The following USP34 variants were observed in gnomAD, a reference collection of about 807,000 sequenced individuals.
The protein encoded by USP34 is ubiquitin carboxyl-terminal hydrolase 34.
USP34 carries 70 observed loss-of-function variants against 460.3 expected under a neutral mutation model. That is an observed-to-expected ratio of 0.15 (90% CI 0.13 to 0.19). USP34 has a LOEUF of 0.19. USP34 is among the 10% of genes least tolerant of loss of function. The pLI is 1.00. For synonymous variants in USP34, 1,647 were observed against 1,405.3 expected (o/e 1.17, Z -3.85); for missense variants, 3,985 against 4,236.2 (o/e 0.94, Z 1.65).
chr2:61,245,958 G>A (rs1235150050), intron 50 of USP34, among the ~76,000 whole-genome samples: 1 of 152,170 alleles, frequency 6.6e-6, no homozygotes, highest in Non-Finnish European at 1.5e-5. Context: ...CCAATAGGAG[G>A]TGAAACAAGC....
chr2:61,191,717 T>C (rs1352467885), intron 76 of USP34, among the ~76,000 whole-genome samples: 1 of 151,970 alleles, frequency 6.6e-6, no homozygotes, highest in Non-Finnish European at 1.5e-5. Context: ...GATGCAGAAG[T>C]AGAGAAAGCA....
At chr2:61,452,368 A>C (rs1695308738) in intron 1 of USP34, among the ~76,000 whole-genome samples, 1 of 116,108 alleles carries the variant, frequency 8.6e-6, no homozygotes, top group African/African-American at 3.4e-5. Flanking sequence ...TCTGTCACCC[A>C]GGCTAGAGTG....
chr2:61,320,165 CTA>C (rs1690872113), intron 21 of USP34, among the ~76,000 whole-genome samples: 1 of 152,188 alleles, frequency 6.6e-6, no homozygotes, highest in Non-Finnish European at 1.5e-5. Flanking sequence ...TTACAAATTT[CTA>C]TGTTACAATT....
intron 39 of USP34, among the ~76,000 whole-genome samples, chr2:61,278,716 T>A (rs980865522): frequency 6.6e-6 from 1 of 152,030 alleles, no homozygotes; most frequent in Non-Finnish European, 1.5e-5. Flanking sequence ...CACACCAACA[T>A]GGCACATGTA....
chr2:61,360,315 A>T (rs1050622516), intron 10 of USP34, among the ~76,000 whole-genome samples: 4 of 152,272 alleles, frequency 2.6e-5, no homozygotes, highest in African/African-American at 9.6e-5. Flanking sequence ...ACAACAACAG[A>T]AAACTGTTAG....
At chr2:61,222,428 T>C (rs957912497) in intron 65 of USP34, among the ~76,000 whole-genome samples, 191 bp downstream of exon 65, 2 of 152,144 alleles carry the variant, frequency 1.3e-5, no homozygotes, top group African/African-American at 4.8e-5. Context: ...TTACATTTAG[T>C]TGGGAAAATT....
intron 1 of USP34, among the ~76,000 whole-genome samples, chr2:61,453,096 C>T (rs1047088688): frequency 3.3e-5 from 5 of 152,022 alleles, no homozygotes; most frequent in Non-Finnish European, 7.4e-5. Flanking sequence ...TAGAAGGTAA[C>T]TGAAAATCAG....
intron 7 of USP34, 25 bp from the exon 8 acceptor site, chr2:61,378,449 G>A: frequency 6.5e-7 from 1 of 1,547,478 alleles, no homozygotes; most frequent in Non-Finnish European, 8.7e-7. Context: ...AAGAAATTAA[G>A]GGTTTTTATT....
intron 28 of USP34, 63 bp downstream of exon 28, chr2:61,301,291 C>G: frequency 1.9e-6 from 3 of 1,548,818 alleles, no homozygotes; most frequent in Non-Finnish European, 2.6e-6. Flanking sequence ...ACTACATCTG[C>G]GACTATTCAA....
At chr2:61,385,997 CAAAAAAAAAAAA>C (rs58518474) in intron 5 of USP34, among the ~76,000 whole-genome samples, 1 of 99,450 alleles carries the variant, frequency 1.0e-5, no homozygotes, top group Non-Finnish European at 2.1e-5. Context: ...ACTCTGTCTC[CAAAAAAAAAAAA>C]AAAAAGAAAT....
At chr2:61,228,535 C>A in intron 61 of USP34, 110 bp downstream of exon 61, 1 of 853,016 alleles carries the variant, frequency 1.2e-6, no homozygotes, top group Non-Finnish European at 1.8e-6. Context: ...TTATCTAACA[C>A]CAGGTTCCAG....
In USP34 at chr2:61,273,398, A is replaced by G. The variant is rs541528873; in HGVS notation, c.5433+4767T>C. ...TATGTGGAAAAATAAACAGCCAGGA[A>G]AATACTGAAAAGAAATAATAATGAA... On this transcript the variant is annotated intron_variant, in intron 41 of 79. Coordinates refer to ENST00000398571, the MANE Select transcript of USP34 (RefSeq NM_014709.4). Among the ~76,000 whole-genome samples, 4 of 152,316 alleles carry G rather than the reference A, an allele frequency of 2.6e-5. No homozygotes were observed. In the East Asian group the frequency reaches 5.8e-4, roughly 22 times the overall value.
Position 61,311,652 on chromosome 2 carries a change from T to G in USP34, c.3705A>C (p.Ala1235=), listed in dbSNP as rs1690597736. ...TIEMYPSDQV[A]DLRAEVTHWY... Reference sequence around the variant, plus strand: ...AATGAGTTACTTCAGCCCTAAGATCTGCTACCTGGTCACTAGGATACATTT... The same window carrying G: ...AATGAGTTACTTCAGCCCTAAGATCGGCTACCTGGTCACTAGGATACATTT... The change falls in exon 27 of 80, where the codon GCA becomes GCC. Residue 1235 remains alanine, a synonymous_variant. Transcript: ENST00000398571. The G allele has an allele frequency of 6.2e-7, 1 of 1,613,252 alleles. No individual in the cohort carries two copies. Among genetic ancestry groups the G allele is most frequent in the South Asian group, 1.1e-5 (1 of 90,806 alleles).
chr2:61,463,264 G>T (rs1695660575), intron 1 of USP34, among the ~76,000 whole-genome samples: 1 of 151,734 alleles, frequency 6.6e-6, no homozygotes, highest in Non-Finnish European at 1.5e-5. Flanking sequence ...GGAGCTTGAG[G>T]CTGCAGTGAG....
intron 21 of USP34, among the ~76,000 whole-genome samples, chr2:61,322,995 C>T (rs920895872): frequency 2.0e-5 from 3 of 152,138 alleles, no homozygotes. Flanking sequence ...TAGTTATTGT[C>T]ATATTGAAAA....
At chr2:61,253,682 CT>C (rs1485264426) in intron 48 of USP34, among the ~76,000 whole-genome samples, 2 of 151,178 alleles carry the variant, frequency 1.3e-5, no homozygotes, top group Non-Finnish European at 2.9e-5. Context: ...TAGAAAAATC[CT>C]TTGTTTGAGC....
At chr2:61,195,777 C>G (rs71420391) in intron 75 of USP34, among the ~76,000 whole-genome samples, 3 of 152,292 alleles carry the variant, frequency 2.0e-5, no homozygotes, top group African/African-American at 7.2e-5. Flanking sequence ...CAAAAAGAGT[C>G]TGCTAACCCA....
At chr2:61,236,843 A>G (rs1354229130) in intron 53 of USP34, among the ~76,000 whole-genome samples, 3 of 152,202 alleles carry the variant, frequency 2.0e-5, no homozygotes, top group Non-Finnish European at 2.9e-5. Flanking sequence ...TGCAGGATCA[A>G]TGCTGTTTTT....
At chr2:61,376,160 T>C (rs1692793792) in intron 8 of USP34, among the ~76,000 whole-genome samples, 2 of 146,790 alleles carry the variant, frequency 1.4e-5, no homozygotes, top group Non-Finnish European at 2.9e-5. Context: ...AATTTACTAT[T>C]ATAAAATTCA....
Sources: gnomAD v4.1 joint callset for allele counts (sites outside exome capture counted in the v4.1 genomes callset) on GRCh38, gnomAD v4.1.1 for gene constraint, MANE v1.5 for transcripts, NCBI Gene and HGNC (gene_info 2026-07-23, HGNC 2026-07-21) for gene names.